PDE1C: variants seen among roughly 807,000 people sequenced by gnomAD.
PDE1C encodes dual specificity calcium/calmodulin-dependent 3',5'-cyclic nucleotide phosphodiesterase 1C.
A neutral mutation model predicts 93.1 loss-of-function variants in PDE1C; 62 were observed. The observed-to-expected ratio is 0.67, with a 90% confidence interval of 0.54 to 0.82. The LOEUF (loss-of-function observed/expected upper bound fraction) is 0.82, where lower values mean the gene tolerates loss of function less well. Among genes scored for constraint, PDE1C ranks in the 40% least tolerant of loss-of-function variants. The pLI is 0.00. For synonymous variants in PDE1C, 325 were observed against 310.1 expected, an observed-to-expected ratio of 1.05 and a Z score of -0.50; for missense variants, 742 against 884.6, an observed-to-expected ratio of 0.84 and a Z score of 2.04.
intron 1 of PDE1C, among the ~76,000 whole-genome samples, chr7:32,061,064 T>A (rs1212942846): frequency 6.6e-6 from 1 of 152,222 alleles, no homozygotes; most frequent in Non-Finnish European, 1.5e-5. Context: ...CTTCCATATT[T>A]ACTAGATGTA....
chr7:31,692,552 G>A, the PDE1C span: 1,649 of 1,560,474 alleles, frequency 1.1e-3, 21 homozygotes, highest in African/African-American at 0.017. Flanking sequence ...GTGAATGTCA[G>A]TGGTGGAAGT....
At chr7:32,299,289 G>T (rs1812820806) in exon 1 of PDE1C, 1 of 986,110 alleles carries the variant, frequency 1.0e-6, no homozygotes, top group Non-Finnish European at 1.2e-6. Flanking sequence ...AAACCCCTCA[G>T]CCATGAGATG....
intron 17 of PDE1C, among the ~76,000 whole-genome samples, chr7:31,754,341 C>T (rs1489621219): frequency 6.6e-6 from 1 of 152,170 alleles, no homozygotes; most frequent in Non-Finnish European, 1.5e-5. Context: ...TCTTATGAAG[C>T]TAGACATAGT....
At chr7:32,345,476 C>A (rs886801346) in intron 1 of PDE1C, among the ~76,000 whole-genome samples, 1 of 152,052 alleles carries the variant, frequency 6.6e-6, no homozygotes. Flanking sequence ...AAAGCATGAA[C>A]CATAAGAGAA....
At chr7:32,107,259 A>G (rs1482944853) in intron 3 of PDE1C, among the ~76,000 whole-genome samples, 2 of 93,648 alleles carry the variant, frequency 2.1e-5, no homozygotes, top group Non-Finnish European at 5.6e-5. Flanking sequence ...AGACAAAGAG[A>G]GACAGGTAGG....
intron 1 of PDE1C, among the ~76,000 whole-genome samples, chr7:32,341,467 G>A (rs1323863503): frequency 1.3e-5 from 2 of 151,936 alleles, no homozygotes; most frequent in African/African-American, 4.8e-5. Flanking sequence ...GAGCCACCGC[G>A]CCCGGCCTAT....
Position 32,088,423 on chromosome 7 carries a change from A to T in PDE1C, c.308+81362T>A, listed in dbSNP as rs531436053. On this transcript the variant is annotated intron_variant, in intron 3 of 18. Coordinates refer to the PDE1C transcript ENST00000396193. ...TCCTTTTGTGCTGCCTGAAATACAG[A>T]TCTGCTGGCTGAGCCCACCTCGCTT... Among the ~76,000 whole-genome samples, 6 of 152,308 alleles carry T rather than the reference A, an allele frequency of 3.9e-5. No individual in the cohort carries two copies. In the East Asian group the frequency reaches 1.2e-3, roughly 29 times the overall value.
At chr7:31,978,363 T>G (rs537157056) in intron 2 of PDE1C, among the ~76,000 whole-genome samples, 1 of 152,280 alleles carries the variant, frequency 6.6e-6, no homozygotes, top group Middle Eastern at 3.4e-3. Context: ...TACAGATGTT[T>G]AGAAAATCAG....
intron 1 of PDE1C, among the ~76,000 whole-genome samples, chr7:32,383,973 T>C (rs1585135510): frequency 6.6e-6 from 1 of 152,224 alleles, no homozygotes; most frequent in African/African-American, 2.4e-5. Context: ...AGACTCAGAA[T>C]AGATCTGTTT....
chr7:31,880,797 ATTC>A lies in PDE1C; in HGVS notation c.189_191del (p.Lys63del). ...CAAGCACTGTGGCTGCATATTCCAA[ATTC>A]TTCTTAAGATCTACCACTGAAGCTT... On this transcript the variant is annotated inframe_deletion, in exon 3 of 18. Coordinates refer to ENST00000396191, the MANE Select transcript of PDE1C (RefSeq NM_001191057.4). 2 of 1,612,466 alleles carry A rather than the reference ATTC, an allele frequency of 1.2e-6. No homozygotes were observed. The highest frequency in any genetic ancestry group is 1.7e-6 in the Non-Finnish European group (2 of 1,178,654).
chr7:32,254,225 T>C (rs998996649), intron 1 of PDE1C, among the ~76,000 whole-genome samples: 2 of 152,172 alleles, frequency 1.3e-5, no homozygotes, highest in African/African-American at 2.4e-5. Context: ...CACTCCTCCA[T>C]GGATACCTCT....
intron 1 of PDE1C, among the ~76,000 whole-genome samples, chr7:32,350,243 T>C (rs1015253001): frequency 5.3e-5 from 8 of 152,196 alleles, no homozygotes; most frequent in Non-Finnish European, 1.0e-4. Flanking sequence ...AATTGTGTCC[T>C]TTCTACATTC....
intron 3 of PDE1C, among the ~76,000 whole-genome samples, chr7:32,130,118 T>C (rs1799836101): frequency 6.6e-6 from 1 of 152,120 alleles, no homozygotes; most frequent in African/African-American, 2.4e-5. Flanking sequence ...TTGGTTGTTG[T>C]TTGTTTTTAT....
intron 2 of PDE1C, among the ~76,000 whole-genome samples, chr7:31,910,677 C>T (rs1279519202): frequency 6.6e-6 from 1 of 152,174 alleles, no homozygotes; most frequent in Non-Finnish European, 1.5e-5. Context: ...GCCTCTAAAG[C>T]CAAATGGCCT....
intron 2 of PDE1C, among the ~76,000 whole-genome samples, chr7:32,004,268 T>C (rs1018873756): frequency 6.6e-6 from 1 of 151,536 alleles, no homozygotes; most frequent in African/African-American, 2.4e-5. Context: ...AAAAAACCAA[T>C]ATAACAAATT....
At chr7:31,629,311 T>C in the PDE1C span, among the ~76,000 whole-genome samples, 1 of 152,212 alleles carries the variant, frequency 6.6e-6, no homozygotes. Flanking sequence ...ATATAAATGT[T>C]CTGTTTCAGA....
At chr7:31,898,076 A>T (rs1799535570) in intron 2 of PDE1C, among the ~76,000 whole-genome samples, 1 of 151,326 alleles carries the variant, frequency 6.6e-6, no homozygotes, top group African/African-American at 2.4e-5. Flanking sequence ...TATACTGAAA[A>T]ATGTGAGATA....
At chr7:31,809,476 T>C (rs1377998150) in intron 15 of PDE1C, among the ~76,000 whole-genome samples, 1 of 152,072 alleles carries the variant, frequency 6.6e-6, no homozygotes, top group Non-Finnish European at 1.5e-5. Flanking sequence ...GTAAAATGGG[T>C]ATGTTAATAC....
At chr7:32,001,597 G>C (rs1584402124) in intron 2 of PDE1C, among the ~76,000 whole-genome samples, 1 of 152,188 alleles carries the variant, frequency 6.6e-6, no homozygotes, top group East Asian at 1.9e-4. Flanking sequence ...ACACCCACAG[G>C]AATGAATGAC....
Sources: gnomAD v4.1 joint callset for allele counts (sites outside exome capture counted in the v4.1 genomes callset) on GRCh38, gnomAD v4.1.1 for gene constraint, MANE v1.5 for transcripts, NCBI Gene and HGNC (gene_info 2026-07-23, HGNC 2026-07-21) for gene names.